The following KCTD9 variants were observed in gnomAD, a reference collection of about 807,000 sequenced individuals.
The protein encoded by KCTD9 is BTB/POZ domain-containing protein KCTD9.
KCTD9 carries 17 observed loss-of-function variants against 53.3 expected under a neutral mutation model. The observed-to-expected ratio is 0.32, with a 90% CI of 0.22 to 0.48. KCTD9 has a LOEUF of 0.48. KCTD9 is among the 20% of genes least tolerant of loss of function. KCTD9 has a pLI of 0.99. For missense variants in KCTD9, 179 were observed against 465.5 expected (o/e 0.38, Z 5.66); for synonymous variants, 128 against 162.7 (o/e 0.79, Z 1.62).
intron 4 of KCTD9, among the ~76,000 whole-genome samples, chr8:25,440,059 GTT>G (rs59794332): frequency 2.3e-5 from 3 of 131,832 alleles, no homozygotes; most frequent in Non-Finnish European, 4.8e-5. Context: ...TAAAAAGCAT[GTT>G]TTTTTTTTTT....
At position 25,434,250 on chromosome 8, in the gene KCTD9, C is replaced by A. The variant is rs141809412; in HGVS notation, c.814-815G>T. 2.4e-3 allele frequency among the ~76,000 whole-genome samples: 373 copies of A among 152,260 alleles called. 2 individuals are homozygous for A. In the South Asian group the frequency reaches 0.027, roughly 11 times the overall value. ...GAGTAGCTTGAATTACAGGCATGCA[C>A]CACCACGCCTGGCTAATTTTTGTAT... On this transcript the variant is annotated intron_variant, in intron 9 of 11. Coordinates refer to ENST00000221200, the MANE Select transcript of KCTD9 (RefSeq NM_017634.4).
chr8:25,455,657 G>A (rs1267086845), intron 1 of KCTD9, among the ~76,000 whole-genome samples: 1 of 152,136 alleles, frequency 6.6e-6, no homozygotes, highest in Non-Finnish European at 1.5e-5. Context: ...TTGGCATTTT[G>A]GTGAGGGTTA....
chr8:25,434,650 T>C (rs1327838455), intron 9 of KCTD9, among the ~76,000 whole-genome samples: 2 of 152,128 alleles, frequency 1.3e-5, no homozygotes, highest in Non-Finnish European at 2.9e-5. Context: ...CACAGCTTCA[T>C]GGAAAAATAA....
intron 4 of KCTD9, 139 bp downstream of exon 4, chr8:25,440,438 T>TA: frequency 1.6e-6 from 1 of 618,258 alleles, no homozygotes; most frequent in South Asian, 2.2e-5. Flanking sequence ...CAAAAAAAGT[T>TA]ATAAAAAATG....
chr8:25,433,376 T>C lies in KCTD9; in HGVS notation c.873A>G (p.Lys291=), dbSNP rs150071535. Residue 291 remains lysine, a synonymous_variant, in exon 10 of 12, where the codon AAA becomes AAG. Coordinates refer to ENST00000221200, the MANE Select transcript of KCTD9 (RefSeq NM_017634.4). Reference sequence around the variant, plus strand: ...CAGAAGGATCCTCAAAATTACACAGTTTCAGGGATGCTCCTTCTGCATTAG... The same window carrying C: ...CAGAAGGATCCTCAAAATTACACAGCTTCAGGGATGCTCCTTCTGCATTAG... ...LCSNAEGASL[K]LCNFEDPSGL... is the part of the protein sequence containing the mutation. 18 of 1,610,778 alleles carry C rather than the reference T, an allele frequency of 1.1e-5. No individual in the cohort carries two copies. The highest frequency in any genetic ancestry group is 1.5e-5 in the Non-Finnish European group (18 of 1,178,266).
intron 1 of KCTD9, 61 bp downstream of exon 1, chr8:25,458,138 T>A: frequency 1.4e-6 from 2 of 1,474,440 alleles, no homozygotes; most frequent in Non-Finnish European, 1.9e-6. Flanking sequence ...GCCAGCCGGT[T>A]CCGCACCGTC....
intron 1 of KCTD9, among the ~76,000 whole-genome samples, chr8:25,447,398 A>G (rs1462690235): frequency 6.6e-6 from 1 of 152,170 alleles, no homozygotes; most frequent in African/African-American, 2.4e-5. Flanking sequence ...CCGCTAAAAA[A>G]AGAAAAATAA....
intron 8 of KCTD9, 39 bp from the exon 9 acceptor site, chr8:25,435,551 C>T (rs1314359414): frequency 3.2e-6 from 5 of 1,548,492 alleles, no homozygotes; most frequent in Non-Finnish European, 4.4e-6. Context: ...ATAACTAAAT[C>T]GTCTGTTTGT....
At chr8:25,430,929 G>A (rs115511370) in intron 11 of KCTD9, among the ~76,000 whole-genome samples, 2,016 of 151,728 alleles carry the variant, frequency 0.013, 50 homozygotes, top group African/African-American at 0.045. Context: ...TCCAGGATTC[G>A]AGCTATTCTC....
At chr8:25,458,161 GA>G in intron 1 of KCTD9, 37 bp downstream of exon 1, 2 of 1,091,414 alleles carry the variant, frequency 1.8e-6, no homozygotes, top group Non-Finnish European at 2.5e-6. Flanking sequence ...CCCTCGCCCC[GA>G]CCCCCGGCCC....
In KCTD9 at chr8:25,429,368, A is replaced by G. The variant is rs1012842500; in HGVS notation, c.*489T>C. The G allele has an allele frequency of 6.5e-6, 1 of 154,644 alleles. No homozygotes were observed. The highest frequency in any genetic ancestry group is 2.4e-5 in the African/African-American group (1 of 41,486). 9.6% of individuals were successfully genotyped at this position (154,644 alleles called of 1,614,324 possible). ...CAGGTATTTAAAGAGGGGAGGCATC[A>G]CTAAAGCTATTTATAAACCTGAACA... is the stretch of plus-strand genomic sequence containing the variant. On this transcript the variant is annotated 3_prime_UTR_variant, in exon 12 of 12. Coordinates refer to ENST00000221200, the MANE Select transcript of KCTD9 (RefSeq NM_017634.4).
chr8:25,434,555 C>T (rs1370863241), intron 9 of KCTD9, among the ~76,000 whole-genome samples: 2 of 151,908 alleles, frequency 1.3e-5, no homozygotes, highest in Non-Finnish European at 2.9e-5. Context: ...TTGCTACTAA[C>T]CTGACCCTTC....
intron 4 of KCTD9, 169 bp downstream of exon 4, chr8:25,440,408 G>A: frequency 1.7e-6 from 1 of 575,690 alleles, no homozygotes; most frequent in Non-Finnish European, 3.1e-6. Flanking sequence ...TTTCTCTGGA[G>A]TGAACCATGT....
At chr8:25,434,223 C>T (rs935740082) in intron 9 of KCTD9, among the ~76,000 whole-genome samples, 2 of 152,132 alleles carry the variant, frequency 1.3e-5, no homozygotes, top group African/African-American at 4.8e-5. Flanking sequence ...CCTCAGCCTC[C>T]TGAGTAGCTT....
At chr8:25,447,800 G>GTA (rs1283067697) in intron 1 of KCTD9, among the ~76,000 whole-genome samples, 2 of 151,976 alleles carry the variant, frequency 1.3e-5, no homozygotes, top group African/African-American at 2.4e-5. Context: ...ATAAAATATG[G>GTA]TATATATATA....
At chr8:25,448,264 TAAATG>T (rs1358070977) in intron 1 of KCTD9, among the ~76,000 whole-genome samples, 2 of 152,170 alleles carry the variant, frequency 1.3e-5, no homozygotes, top group African/African-American at 4.8e-5. Context: ...GACAGTATGC[TAAATG>T]AAATAAGCCA....
chr8:25,452,065 A>C (rs1278154981), intron 1 of KCTD9, among the ~76,000 whole-genome samples: 1 of 152,212 alleles, frequency 6.6e-6, no homozygotes, highest in Non-Finnish European at 1.5e-5. Context: ...AATACACATA[A>C]ATTGTTGAAT....
intron 1 of KCTD9, among the ~76,000 whole-genome samples, chr8:25,449,062 C>G (rs960774811): frequency 1.3e-5 from 2 of 152,180 alleles, no homozygotes; most frequent in Non-Finnish European, 2.9e-5. Context: ...GTACCTAGGG[C>G]ATTGCACACG....
intron 11 of KCTD9, among the ~76,000 whole-genome samples, chr8:25,431,067 G>C (rs969006952): frequency 1.8e-4 from 27 of 152,124 alleles, no homozygotes; most frequent in African/African-American, 6.0e-4. Context: ...CTAACCTCAA[G>C]TGATTCGCCC....
Sources: gnomAD v4.1 joint callset for allele counts (sites outside exome capture counted in the v4.1 genomes callset) on GRCh38, gnomAD v4.1.1 for gene constraint, MANE v1.5 for transcripts, NCBI Gene and HGNC (gene_info 2026-07-23, HGNC 2026-07-21) for gene names.